The following GRID2 variants were observed in gnomAD, a reference collection of about 807,000 sequenced individuals.
The protein encoded by GRID2 is glutamate ionotropic receptor delta type subunit 2.
Under a neutral mutation model 114.8 loss-of-function variants are expected in GRID2, and 33 were observed. The ratio of observed to expected loss-of-function variants is 0.29; its 90% CI spans 0.22 to 0.38. The LOEUF (loss-of-function observed/expected upper bound fraction) is 0.38, where lower values mean the gene tolerates loss of function less well. Ranked by LOEUF, GRID2 falls within the 10% of genes least tolerant of loss-of-function variation. The pLI is 1.00. For synonymous variants in GRID2, 505 were observed against 449.9 expected (o/e 1.12, Z -1.55); for missense variants, 1,184 against 1,257.7 (o/e 0.94, Z 0.89).
chr4:92,437,134 C>T (rs1447028891), intron 1 of GRID2, among the ~76,000 whole-genome samples: 1 of 151,894 alleles, frequency 6.6e-6, no homozygotes, highest in Non-Finnish European at 1.5e-5. Context: ...GGTCTTATAC[C>T]AATTAAAGAG....
chr4:93,543,259 C>A (rs1344847012), intron 13 of GRID2, among the ~76,000 whole-genome samples: 1 of 152,088 alleles, frequency 6.6e-6, no homozygotes, highest in African/African-American at 2.4e-5. Flanking sequence ...TAATCTGTAG[C>A]TTTGGTATAA....
At chr4:92,385,605 T>C (rs1729910082) in intron 1 of GRID2, among the ~76,000 whole-genome samples, 1 of 151,548 alleles carries the variant, frequency 6.6e-6, no homozygotes, top group Admixed American at 6.6e-5. Context: ...TTCAGCTGCA[T>C]TTTCAAAACC....
chr4:93,030,200 T>A (rs1162043876), intron 2 of GRID2, among the ~76,000 whole-genome samples: 17 of 152,150 alleles, frequency 1.1e-4, no homozygotes, highest in Admixed American at 1.1e-3. Context: ...GTATTTCATC[T>A]TGAATTTTTT....
chr4:92,543,008 A>G (rs1466047743), intron 1 of GRID2, among the ~76,000 whole-genome samples: 4 of 152,086 alleles, frequency 2.6e-5, no homozygotes, highest in Admixed American at 6.6e-5. Context: ...AAACAGTACC[A>G]TGATAGGCTC....
At chr4:93,202,617 G>C (rs1408509228) in intron 4 of GRID2, among the ~76,000 whole-genome samples, 1 of 152,108 alleles carries the variant, frequency 6.6e-6, no homozygotes, top group Non-Finnish European at 1.5e-5. Context: ...TGCCACTAGT[G>C]TGATAGAGCA....
intron 2 of GRID2, among the ~76,000 whole-genome samples, chr4:92,870,120 G>C (rs185665870): frequency 2.0e-5 from 3 of 152,086 alleles, no homozygotes; most frequent in Non-Finnish European, 4.4e-5. Context: ...AGGATTGCTT[G>C]AGCCCAGGAG....
At chr4:93,226,928 C>T (rs920382897) in intron 7 of GRID2, among the ~76,000 whole-genome samples, 1 of 152,126 alleles carries the variant, frequency 6.6e-6, no homozygotes, top group South Asian at 2.1e-4. Context: ...AGAATGACAG[C>T]CCAAGCTTTA....
chr4:92,610,846 G>A (rs1579679912), intron 2 of GRID2, among the ~76,000 whole-genome samples: 3 of 151,614 alleles, frequency 2.0e-5, no homozygotes, highest in Non-Finnish European at 4.4e-5. Context: ...ATCTTAGAAT[G>A]AGTTTTTGAT....
At chr4:92,693,029 A>AAAAAG (rs1278125488) in intron 2 of GRID2, among the ~76,000 whole-genome samples, 14 of 150,874 alleles carry the variant, frequency 9.3e-5, no homozygotes, top group African/African-American at 2.2e-4. Flanking sequence ...TCAAAAAAAA[A>AAAAAG]AAAAGAAAAG....
intron 9 of GRID2, among the ~76,000 whole-genome samples, chr4:93,410,354 T>C (rs1766987183): frequency 6.6e-6 from 1 of 152,190 alleles, no homozygotes; most frequent in Non-Finnish European, 1.5e-5. Flanking sequence ...CACTTTGTCA[T>C]TTATTTTTAT....
chr4:93,140,316 G>A (rs185809228), intron 4 of GRID2, among the ~76,000 whole-genome samples: 14 of 151,874 alleles, frequency 9.2e-5, no homozygotes, highest in Admixed American at 1.3e-4. Flanking sequence ...CCACCACTAC[G>A]CCTGGCTAAT....
At chr4:92,589,818 C>T (rs1249537264) in intron 1 of GRID2, among the ~76,000 whole-genome samples, 2 of 152,140 alleles carry the variant, frequency 1.3e-5, no homozygotes, top group East Asian at 1.9e-4. Flanking sequence ...TTAAAAATTT[C>T]ATGATATAAG....
At chr4:93,448,766 C>T (rs565418328) in intron 10 of GRID2, among the ~76,000 whole-genome samples, 5 of 147,098 alleles carry the variant, frequency 3.4e-5, no homozygotes, top group African/African-American at 7.5e-5. Flanking sequence ...TACTTAAAGG[C>T]GTAATTAGTA....
At chr4:93,540,083 T>C (rs1419691523) in intron 13 of GRID2, among the ~76,000 whole-genome samples, 1 of 152,034 alleles carries the variant, frequency 6.6e-6, no homozygotes, top group Non-Finnish European at 1.5e-5. Flanking sequence ...ATGTAATTAT[T>C]CAATATTTGT....
chr4:92,942,141 G>A lies in GRID2; in HGVS notation c.245-142854G>A, dbSNP rs539481224. 5.9e-5 allele frequency among the ~76,000 whole-genome samples: 9 copies of A among 152,208 alleles called. No homozygotes were observed. In the South Asian group the frequency reaches 1.0e-3, roughly 18 times the overall value. ...GATATCCTTGTTAACTTTCTGTCTTGTTGATCTGTCTAATGTTGACAGTGG... is the reference window on the plus strand; with the variant it reads ...GATATCCTTGTTAACTTTCTGTCTTATTGATCTGTCTAATGTTGACAGTGG... On this transcript the variant is annotated intron_variant, in intron 2 of 15. Transcript: ENST00000282020.
chr4:93,509,935 A>G (rs1038149644), intron 12 of GRID2, among the ~76,000 whole-genome samples: 1 of 152,198 alleles, frequency 6.6e-6, no homozygotes, highest in African/African-American at 2.4e-5. Context: ...GGCTGTTTAC[A>G]TGGTTGCTAA....
At chr4:93,722,279 A>T (rs1729449064) in intron 14 of GRID2, among the ~76,000 whole-genome samples, 1 of 152,106 alleles carries the variant, frequency 6.6e-6, no homozygotes, top group South Asian at 2.1e-4. Flanking sequence ...ATACCTTATC[A>T]CATTTAACCC....
intron 4 of GRID2, among the ~76,000 whole-genome samples, chr4:93,131,137 A>G (rs1734757175): frequency 7.6e-6 from 1 of 131,176 alleles, no homozygotes; most frequent in African/African-American, 3.2e-5. Context: ...CCATGAAAAG[A>G]TTAAATAATT....
chr4:92,648,551 C>A (rs1579761344), intron 2 of GRID2, among the ~76,000 whole-genome samples: 1 of 149,586 alleles, frequency 6.7e-6, no homozygotes, highest in Middle Eastern at 3.4e-3. Context: ...CCGTTTCTCC[C>A]TTCACTGAAG....
Sources: allele counts gnomAD v4.1 joint callset (sites outside exome capture counted in the v4.1 genomes callset), GRCh38; gene constraint gnomAD v4.1.1; transcripts MANE v1.5; gene names NCBI Gene and HGNC (gene_info 2026-07-23, HGNC 2026-07-21).